GABRA1: variants seen among roughly 807,000 people sequenced by gnomAD.
GABRA1 encodes the protein gamma-aminobutyric acid receptor subunit alpha-1.
Under a neutral mutation model 48.9 loss-of-function variants are expected in GABRA1, and 9 were observed. The observed-to-expected ratio is 0.18, with a 90% confidence interval of 0.11 to 0.32. The LOEUF (loss-of-function observed/expected upper bound fraction) is 0.32, where lower values mean the gene tolerates loss of function less well. Ranked by LOEUF, GABRA1 falls within the 10% of genes least tolerant of loss-of-function variation. The pLI, the probability that GABRA1 is intolerant of heterozygous loss-of-function variation, is 1.00. For synonymous variants in GABRA1, 210 were observed against 198.7 expected (o/e 1.06, Z -0.48); for missense variants, 285 against 553.8 (o/e 0.51, Z 4.87).
chr5:161,890,904 ATGT>A lies in GABRA1; in HGVS notation c.715_717del (p.Val239del). ...TGTGTGTTTTACTTCTCAGGAGAAT[ATGT>A]TGTTATGACCACTCATTTCCACTTG... On this transcript the variant is annotated inframe_deletion, in exon 8 of 10. Coordinates refer to ENST00000393943, the MANE Select transcript of GABRA1 (RefSeq NM_001127644.2). 6.2e-7 allele frequency: 1 copy of A among 1,613,442 alleles called. No homozygotes were observed. The highest frequency in any genetic ancestry group is 8.5e-7 in the Non-Finnish European group (1 of 1,179,502).
At position 161,892,657 on chromosome 5, in the gene GABRA1, T is replaced by A. The variant is rs180801096; in HGVS notation, c.856+1607T>A. 6.4e-4 allele frequency among the ~76,000 whole-genome samples: 94 copies of A among 147,430 alleles called. 2 individuals are homozygous for A. The East Asian group carries it at 0.018, about 28-fold the overall frequency. ...ATATCTGTATGAGTATGCCTTTTTCTCACTAGGAAATTAAAACAAACAAAC... is the reference window on the plus strand; with the variant it reads ...ATATCTGTATGAGTATGCCTTTTTCACACTAGGAAATTAAAACAAACAAAC... On this transcript the variant is annotated intron_variant, in intron 8 of 9. Coordinates refer to ENST00000393943, the MANE Select transcript of GABRA1 (RefSeq NM_001127644.2).
At chr5:161,864,560 A>G (rs948045855) in intron 3 of GABRA1, among the ~76,000 whole-genome samples, 2 of 151,994 alleles carry the variant, frequency 1.3e-5, no homozygotes, top group Admixed American at 6.6e-5. Flanking sequence ...AGGAATTTAT[A>G]AAAGGTGAAT....
rs5872733 is a variant in GABRA1, at chr5:161,893,048, T to TAATAAAAAAAA, written c.856+2000_856+2001insTAAAAAAAAAA. On this transcript the variant is annotated intron_variant, in intron 8 of 9. Coordinates refer to ENST00000393943, the MANE Select transcript of GABRA1 (RefSeq NM_001127644.2). ...ATAATAATAATAATAATAATAATAA[T>TAATAAAAAAAA]AAAATAAACACAGGACATATTTATG... 6.0e-4 allele frequency among the ~76,000 whole-genome samples: 85 copies of TAATAAAAAAAA among 142,008 alleles called. 1 individual carries two copies. Among genetic ancestry groups the TAATAAAAAAAA allele is most frequent in the East Asian group, 4.7e-3 (23 of 4,904 alleles). The allele number at this position is 142,008 out of a possible 152,430, so 93.2% of individuals were successfully genotyped here.
At chr5:161,888,625 G>T (rs561193570) in intron 7 of GABRA1, among the ~76,000 whole-genome samples, 2 of 152,056 alleles carry the variant, frequency 1.3e-5, no homozygotes, top group East Asian at 1.9e-4. Flanking sequence ...GCAGGCTGCA[G>T]TTGAATGAAT....
Position 161,852,929 on chromosome 5 carries a change from G to T in GABRA1, c.75-1229G>T, listed in dbSNP as rs577039618. 1.4e-3 allele frequency among the ~76,000 whole-genome samples: 213 copies of T among 151,860 alleles called. 1 individual carries two copies. The highest frequency in any genetic ancestry group is 4.9e-3 in the African/African-American group (203 of 41,470). On this transcript the variant is annotated intron_variant, in intron 2 of 9. Coordinates refer to ENST00000393943, the MANE Select transcript of GABRA1 (RefSeq NM_001127644.2). ...TGCTGCTGTCAAATAAGTGAATTCTGGCTTCAAATGTTACTATTTTTCTTA... is the reference window on the plus strand; with the variant it reads ...TGCTGCTGTCAAATAAGTGAATTCTTGCTTCAAATGTTACTATTTTTCTTA...
In GABRA1 at chr5:161,895,918, A is replaced by T. The variant is rs779946458; in HGVS notation, c.1059+50A>T. On this transcript the variant is annotated intron_variant, in intron 9 of 9. Transcript: ENST00000393943. ...GTACATCAATATTATGTCTCTTTAA[A>T]CCTATGAAATGAGATGTTTTGGCCT... The T allele has an allele frequency of 1.6e-5, 24 of 1,493,668 alleles. No individual in the cohort carries two copies. The East Asian group carries it at 5.4e-4, about 34-fold the overall frequency. 92.5% of individuals were successfully genotyped at this position (1,493,668 alleles called of 1,614,324 possible).
intron 3 of GABRA1, among the ~76,000 whole-genome samples, chr5:161,856,674 T>C (rs1406960216): frequency 6.6e-6 from 1 of 151,408 alleles, no homozygotes; most frequent in Non-Finnish European, 1.5e-5. Context: ...TTAAACTTTT[T>C]TTTAAATATT....
At position 161,854,119 on chromosome 5, in the gene GABRA1, T is replaced by C. The variant is rs1395127373; in HGVS notation, c.75-39T>C. Reference sequence around the variant, plus strand: ...TTGGAAAGAGGTTTTAGTAGAAATGTATAATTTAGCTATTGCTTCTCTTTA... The same window carrying C: ...TTGGAAAGAGGTTTTAGTAGAAATGCATAATTTAGCTATTGCTTCTCTTTA... On this transcript the variant is annotated intron_variant, in intron 2 of 9. Coordinates refer to ENST00000393943, the MANE Select transcript of GABRA1 (RefSeq NM_001127644.2). 3 of 1,024,066 alleles carry C rather than the reference T, an allele frequency of 2.9e-6. No homozygotes were observed. In the African/African-American group the frequency reaches 4.7e-5, roughly 16 times the overall value. The allele number at this position is 1,024,066 out of a possible 1,614,324, so 63.4% of individuals were successfully genotyped here.
rs1056939018 is a variant in GABRA1, at chr5:161,882,181, T to C, written c.560-377T>C. 1.6e-5 allele frequency: 5 copies of C among 303,324 alleles called. No individual in the cohort carries two copies. The Admixed American group carries it at 1.8e-4, about 11-fold the overall frequency. 18.8% of individuals were successfully genotyped at this position (303,324 alleles called of 1,614,324 possible). A position where few individuals can be genotyped will look rare whatever the true frequency, so the allele number is the denominator to read the frequency against. On this transcript the variant is annotated intron_variant, in intron 6 of 9. Transcript: ENST00000393943. ...TTCATTCTCTATCCTTTTACTCGGT[T>C]GTGTATGACTCTATCACACTTATCT... is the stretch of plus-strand genomic sequence containing the variant.
Position 161,874,451 on chromosome 5 carries a change from CT to C in GABRA1, c.477-1108del, listed in dbSNP as rs201713440. On this transcript the variant is annotated intron_variant, in intron 5 of 9. Transcript: ENST00000393943. ...TAATTGAAATTTGAAATATTCCCCC[CT>C]GATGAAACACCATACACTTGGCTTT... Among the ~76,000 whole-genome samples, 77 of 152,106 alleles carry C rather than the reference CT, an allele frequency of 5.1e-4. 1 individual carries two copies. The highest frequency in any genetic ancestry group is 1.4e-3 in the African/African-American group (59 of 41,516).
At chr5:161,881,931 A>G (rs1313528797) in intron 6 of GABRA1, 1 of 149,378 alleles carries the variant, frequency 6.7e-6, no homozygotes, top group East Asian at 2.0e-4. Context: ...GAAGAAGTAG[A>G]AGGAGAAGGA....
In GABRA1 at chr5:161,897,508, G is replaced by T; in HGVS notation, c.*86G>T. On this transcript the variant is annotated 3_prime_UTR_variant, in exon 10 of 10. Transcript: ENST00000393943. The stretch of plus-strand genomic sequence containing the variant: ...CGCAGTAATTCCCATCTGCTTTATT[G>T]CCTCTGTCTTAAAGAATTTGAAAGT... The T allele has an allele frequency of 5.7e-6, 7 of 1,234,562 alleles. No individual in the cohort carries two copies. The highest frequency in any genetic ancestry group is 5.9e-6 in the Non-Finnish European group (5 of 846,466). The allele number at this position is 1,234,562 out of a possible 1,614,324, so 76.5% of individuals were successfully genotyped here.
intron 3 of GABRA1, among the ~76,000 whole-genome samples, chr5:161,863,584 C>G (rs1757940267): frequency 6.6e-6 from 1 of 152,004 alleles, no homozygotes; most frequent in African/African-American, 2.4e-5. Flanking sequence ...CAAACACTTC[C>G]CACCAGGCCC....
chr5:161,866,763 A>G (rs1354090637), intron 4 of GABRA1, among the ~76,000 whole-genome samples: 2 of 152,122 alleles, frequency 1.3e-5, no homozygotes, highest in Non-Finnish European at 2.9e-5. Flanking sequence ...CTGTAGAACT[A>G]ATATTCTGTG....
intron 3 of GABRA1, 90 bp from the exon 4 acceptor site, chr5:161,865,631 C>G: frequency 9.9e-7 from 1 of 1,014,862 alleles, no homozygotes; most frequent in Non-Finnish European, 1.6e-6. Flanking sequence ...CAAAGACAAT[C>G]AATTTCCCAT....
intron 3 of GABRA1, among the ~76,000 whole-genome samples, chr5:161,861,582 C>G (rs1757861928): frequency 6.6e-6 from 1 of 151,052 alleles, no homozygotes; most frequent in South Asian, 2.1e-4. Context: ...GGTGTCTACC[C>G]CCATATCTAG....
At chr5:161,888,113 C>A (rs1346018528) in intron 7 of GABRA1, among the ~76,000 whole-genome samples, 2 of 152,102 alleles carry the variant, frequency 1.3e-5, no homozygotes, top group Admixed American at 6.6e-5. Flanking sequence ...AAGCTTCCTT[C>A]AGGGTTAAAT....
chr5:161,884,252 G>A (rs1754741809), intron 7 of GABRA1, among the ~76,000 whole-genome samples: 1 of 152,092 alleles, frequency 6.6e-6, no homozygotes. Flanking sequence ...AAAGTAAGCT[G>A]TGTTTACTTT....
intron 6 of GABRA1, among the ~76,000 whole-genome samples, chr5:161,876,690 A>G (rs1754369278): frequency 6.6e-6 from 1 of 152,148 alleles, no homozygotes; most frequent in African/African-American, 2.4e-5. Context: ...ATTTGGTGAT[A>G]ACTCCCTTCT....
Sources: gnomAD v4.1 joint callset for allele counts (sites outside exome capture counted in the v4.1 genomes callset) on GRCh38, gnomAD v4.1.1 for gene constraint, MANE v1.5 for transcripts, NCBI Gene and HGNC (gene_info 2026-07-23, HGNC 2026-07-21) for gene names.